FSTL5: variants seen among roughly 807,000 people sequenced by gnomAD.
The protein encoded by FSTL5 is follistatin-related protein 5.
A neutral mutation model predicts 89.1 loss-of-function variants in FSTL5; 62 were observed. That is an observed-to-expected ratio of 0.70 (90% confidence interval 0.57 to 0.86). The LOEUF (loss-of-function observed/expected upper bound fraction) is 0.86. Ranked by LOEUF, FSTL5 falls within the 40% of genes least tolerant of loss-of-function variation. FSTL5 has a pLI of 0.00. For synonymous variants in FSTL5, 383 were observed against 346.2 expected (o/e 1.11, Z -1.18); for missense variants, 1,057 against 1,001.6 (o/e 1.06, Z -0.75).
At chr4:161,462,430 G>C (rs537239616) in intron 13 of FSTL5, among the ~76,000 whole-genome samples, 1 of 152,260 alleles carries the variant, frequency 6.6e-6, no homozygotes, top group East Asian at 1.9e-4. Flanking sequence ...AATCCTAATG[G>C]AGAATCACTG....
At chr4:161,843,453 TCTC>T (rs1360296772) in intron 4 of FSTL5, among the ~76,000 whole-genome samples, 1 of 152,230 alleles carries the variant, frequency 6.6e-6, no homozygotes, top group East Asian at 1.9e-4. Context: ...AGTTTGTAGT[TCTC>T]CTTGAAGAAG....
At position 161,772,075 on chromosome 4, in the gene FSTL5, C is replaced by CT. The variant is rs1325080533; in HGVS notation, c.606+3802dup. 3.2e-4 allele frequency among the ~76,000 whole-genome samples: 48 copies of CT among 151,764 alleles called. 1 individual carries two copies. Among genetic ancestry groups the CT allele is most frequent in the Admixed American group, 2.8e-3 (43 of 15,222 alleles). Reference sequence around the variant, plus strand: ...TCTTTATCCACTGATTTTTTTATGTCTTTTTTTTCTCAAATAGACAGGCCT... The same window carrying CT: ...TCTTTATCCACTGATTTTTTTATGTCTTTTTTTTTCTCAAATAGACAGGCCT... On this transcript the variant is annotated intron_variant, in intron 5 of 15. Transcript: ENST00000306100.
intron 3 of FSTL5, among the ~76,000 whole-genome samples, chr4:161,933,267 T>C (rs889884878): frequency 1.3e-5 from 2 of 152,098 alleles, no homozygotes; most frequent in African/African-American, 4.8e-5. Context: ...AGGATCCCAC[T>C]AGATTGCTAT....
intron 1 of FSTL5, among the ~76,000 whole-genome samples, chr4:162,123,142 A>T (rs1731935176): frequency 6.6e-6 from 1 of 152,158 alleles, no homozygotes; most frequent in African/African-American, 2.4e-5. Flanking sequence ...GGTCTCCAGC[A>T]GCCTGTGTTC....
chr4:161,482,041 C>T (rs1729527802), intron 12 of FSTL5, among the ~76,000 whole-genome samples: 2 of 152,152 alleles, frequency 1.3e-5, no homozygotes, highest in Non-Finnish European at 2.9e-5. Flanking sequence ...TATGTGCAGG[C>T]CGGGCGTGGT....
chr4:161,558,732 T>C (rs1046259259), intron 8 of FSTL5, among the ~76,000 whole-genome samples: 4 of 151,882 alleles, frequency 2.6e-5, no homozygotes, highest in African/African-American at 9.7e-5. Flanking sequence ...CACCTTCTAG[T>C]AAAAATAGCA....
intron 3 of FSTL5, 32 bp downstream of exon 3, chr4:162,033,593 A>C: frequency 8.3e-7 from 1 of 1,205,356 alleles, no homozygotes. Context: ...ATGAACTTAT[A>C]TAATTGTTAT....
At chr4:161,509,697 G>A (rs1730592916) in intron 11 of FSTL5, among the ~76,000 whole-genome samples, 1 of 151,874 alleles carries the variant, frequency 6.6e-6, no homozygotes, top group Admixed American at 6.6e-5. Context: ...CTCACCAGGA[G>A]TGTAATGATG....
intron 11 of FSTL5, among the ~76,000 whole-genome samples, chr4:161,509,034 T>C (rs1730569961): frequency 6.6e-6 from 1 of 152,136 alleles, no homozygotes; most frequent in Admixed American, 6.6e-5. Flanking sequence ...TTGATAGATA[T>C]TATCACTCTT....
chr4:161,608,113 A>C (rs867019300), intron 7 of FSTL5, among the ~76,000 whole-genome samples: 5 of 152,146 alleles, frequency 3.3e-5, no homozygotes, highest in Admixed American at 6.5e-5. Context: ...TGGGAATTAA[A>C]ACATCTGCTC....
intron 4 of FSTL5, among the ~76,000 whole-genome samples, chr4:161,867,386 C>A (rs1732127898): frequency 6.6e-6 from 1 of 151,792 alleles, no homozygotes; most frequent in Non-Finnish European, 1.5e-5. Flanking sequence ...ACACTTTCTG[C>A]ATGATGGAAG....
chr4:161,917,372 C>T (rs1005352778), intron 4 of FSTL5, among the ~76,000 whole-genome samples: 2 of 152,168 alleles, frequency 1.3e-5, no homozygotes, highest in Admixed American at 6.5e-5. Context: ...AAAGCTTTTA[C>T]GTATTTTCCA....
intron 3 of FSTL5, among the ~76,000 whole-genome samples, chr4:161,939,576 C>T (rs571316805): frequency 6.6e-6 from 1 of 152,008 alleles, no homozygotes; most frequent in South Asian, 2.1e-4. Flanking sequence ...CACTTCATAA[C>T]TCTGGCTTGA....
At chr4:161,632,190 C>T (rs369829448) in intron 7 of FSTL5, among the ~76,000 whole-genome samples, 6 of 151,964 alleles carry the variant, frequency 3.9e-5, no homozygotes, top group African/African-American at 1.5e-4. Flanking sequence ...ACCAGCCTGA[C>T]CAACATGGTG....
intron 6 of FSTL5, among the ~76,000 whole-genome samples, chr4:161,670,122 T>G (rs558723270): frequency 1.3e-5 from 2 of 152,348 alleles, no homozygotes; most frequent in East Asian, 1.9e-4. Flanking sequence ...TTTAATATAT[T>G]TTTAAAGTTT....
chr4:162,073,887 C>T (rs1352916397), intron 2 of FSTL5, among the ~76,000 whole-genome samples: 24 of 151,676 alleles, frequency 1.6e-4, no homozygotes, highest in Admixed American at 1.6e-3. Flanking sequence ...CAGGCCAATA[C>T]ATTTTAAAAG....
intron 2 of FSTL5, among the ~76,000 whole-genome samples, chr4:162,079,786 A>C (rs189869499): frequency 6.6e-6 from 1 of 151,616 alleles, no homozygotes; most frequent in East Asian, 2.0e-4. Flanking sequence ...ATATTCAATC[A>C]CATCAAACTG....
chr4:161,476,290 C>A (rs181091083), intron 13 of FSTL5, among the ~76,000 whole-genome samples: 2 of 148,644 alleles, frequency 1.3e-5, no homozygotes, highest in African/African-American at 5.0e-5. Context: ...CGAGTTCAAG[C>A]GATTCTCCTG....
intron 2 of FSTL5, among the ~76,000 whole-genome samples, chr4:162,085,037 G>GA (rs928357989): frequency 1.3e-4 from 20 of 151,870 alleles, no homozygotes; most frequent in African/African-American, 4.3e-4. Flanking sequence ...ATAGGGACGG[G>GA]AAAAAAATCT....
Sources: allele counts gnomAD v4.1 joint callset (sites outside exome capture counted in the v4.1 genomes callset), GRCh38; gene constraint gnomAD v4.1.1; transcripts MANE v1.5; gene names NCBI Gene and HGNC (gene_info 2026-07-23, HGNC 2026-07-21).